ILRUN: variants seen among roughly 807,000 people sequenced by gnomAD.
The protein encoded by ILRUN is protein ILRUN.
ILRUN carries 3 observed loss-of-function variants against 33.8 expected under a neutral mutation model. The observed-to-expected ratio is 0.09, with a 90% CI of 0.04 to 0.23. ILRUN has a LOEUF of 0.23. Among genes scored for constraint, ILRUN ranks in the 10% least tolerant of loss-of-function variants. The probability of loss-of-function intolerance (pLI) is 1.00; values close to 1 mark genes in which losing one functional copy is unlikely to be tolerated. For synonymous variants in ILRUN, 124 were observed against 138.9 expected, an observed-to-expected ratio of 0.89 and a Z score of 0.75; for missense variants, 210 against 375.1, an observed-to-expected ratio of 0.56 and a Z score of 3.64.
In ILRUN at chr6:34,696,662, C is replaced by G; in HGVS notation, c.-59G>C. 2.6e-6 allele frequency: 4 copies of G among 1,562,652 alleles called. No individual in the cohort carries two copies. The highest frequency in any genetic ancestry group is 3.5e-6 in the Non-Finnish European group (4 of 1,158,930). ...CACAACCAAGCCGCCGCCGCGCCGC[C>G]GGGCCCGGGGACCTGGAGGGGGGCC... On this transcript the variant is annotated 5_prime_UTR_variant, in exon 1 of 5. Transcript: ENST00000374023.
At chr6:34,684,070 A>G (rs1763464510) in intron 1 of ILRUN, among the ~76,000 whole-genome samples, 1 of 151,662 alleles carries the variant, frequency 6.6e-6, no homozygotes, top group Admixed American at 6.6e-5. Flanking sequence ...AGAGCTCTGT[A>G]CCCCACCCCC....
intron 2 of ILRUN, among the ~76,000 whole-genome samples, chr6:34,649,843 A>T (rs1762626533): frequency 6.6e-6 from 1 of 152,240 alleles, no homozygotes; most frequent in African/African-American, 2.4e-5. Flanking sequence ...GGAACATAAT[A>T]AAATGTGTTG....
chr6:34,642,532 T>C (rs1315581657), intron 3 of ILRUN, among the ~76,000 whole-genome samples: 1 of 152,094 alleles, frequency 6.6e-6, no homozygotes, highest in Admixed American at 6.5e-5. Flanking sequence ...ACCACTGTGA[T>C]CTTAAAGACA....
At chr6:34,658,605 G>C (rs111393706) in intron 1 of ILRUN, among the ~76,000 whole-genome samples, 3 of 150,640 alleles carry the variant, frequency 2.0e-5, no homozygotes, top group Non-Finnish European at 1.5e-5. Flanking sequence ...TCAGGAATTC[G>C]AGACCAGCCT....
chr6:34,683,840 A>ATGGAT (rs1763459532), intron 1 of ILRUN, among the ~76,000 whole-genome samples: 1 of 152,144 alleles, frequency 6.6e-6, no homozygotes, highest in African/African-American at 2.4e-5. Context: ...AGGTGGGCAG[A>ATGGAT]CAGCTTGAGC....
At chr6:34,680,077 T>C (rs1390618593) in intron 1 of ILRUN, among the ~76,000 whole-genome samples, 1 of 152,274 alleles carries the variant, frequency 6.6e-6, no homozygotes, top group African/African-American at 2.4e-5. Context: ...AGGAAACTTA[T>C]ACAATGTGTG....
Position 34,587,927 on chromosome 6 carries a change from A to T in ILRUN, c.*2638T>A. 1 of 397,360 alleles carries T rather than the reference A, an allele frequency of 2.5e-6. No individual in the cohort carries two copies. The highest frequency in any genetic ancestry group is 4.4e-6 in the Non-Finnish European group (1 of 225,844). 24.6% of individuals were successfully genotyped at this position (397,360 alleles called of 1,614,324 possible). On this transcript the variant is annotated 3_prime_UTR_variant, in exon 5 of 5. Coordinates refer to ENST00000374023, the MANE Select transcript of ILRUN (RefSeq NM_024294.4). ...GTCTGCCTCACCTCCTGGGTGCCAGACGCAGGTGGTCCTGCCCAGAGGTGG... is the reference window on the plus strand; with the variant it reads ...GTCTGCCTCACCTCCTGGGTGCCAGTCGCAGGTGGTCCTGCCCAGAGGTGG...
At chr6:34,608,613 T>A (rs142121097) in intron 3 of ILRUN, among the ~76,000 whole-genome samples, 13 of 152,218 alleles carry the variant, frequency 8.5e-5, no homozygotes, top group African/African-American at 2.9e-4. Context: ...CAAACTACAA[T>A]GTTATGGAAG....
At chr6:34,683,437 T>C (rs1161410256) in intron 1 of ILRUN, among the ~76,000 whole-genome samples, 3 of 98,834 alleles carry the variant, frequency 3.0e-5, no homozygotes, top group East Asian at 4.4e-4. Flanking sequence ...TACATATATA[T>C]ATACATATAT....
chr6:34,612,210 T>C (rs1761770909), intron 3 of ILRUN, among the ~76,000 whole-genome samples: 1 of 151,182 alleles, frequency 6.6e-6, no homozygotes, highest in Admixed American at 6.6e-5. Flanking sequence ...ACTCAGGAGT[T>C]TGCGACCAGC....
At chr6:34,690,503 AAAAG>A (rs1364472190) in intron 1 of ILRUN, among the ~76,000 whole-genome samples, 1 of 152,028 alleles carries the variant, frequency 6.6e-6, no homozygotes, top group Non-Finnish European at 1.5e-5. Flanking sequence ...TAAATTGATT[AAAAG>A]GGTAAATTTT....
At position 34,654,758 on chromosome 6, in the gene ILRUN, G is replaced by A. The variant is rs373019670; in HGVS notation, c.180C>T (p.Gly60=). 2.2e-5 allele frequency: 35 copies of A among 1,613,332 alleles called. No individual in the cohort carries two copies. The East Asian group carries it at 3.1e-4, about 14-fold the overall frequency. Residue 60 remains glycine (G), a synonymous_variant, in exon 2 of 5, where the codon GGC becomes GGT. Transcript: ENST00000374023. ...TTGGGCTCTCAAAGTCATAATAGGC[G>A]CCAATTGCTGCTTGTAGGTTCCTAT... is the stretch of plus-strand genomic sequence containing the variant. ...MTNWNLQAAI[G]AYYDFESPNI...
In ILRUN at chr6:34,623,958, A is replaced by G. The variant is rs1762061789; in HGVS notation, c.512-17054T>C. Reference sequence around the variant, plus strand: ...GCGATTCTCGTGCCTCAGCCTCCCAAGTAGCTGGGAGCACAGGTGCCTGTC... The same window carrying G: ...GCGATTCTCGTGCCTCAGCCTCCCAGGTAGCTGGGAGCACAGGTGCCTGTC... On this transcript the variant is annotated intron_variant, in intron 3 of 4. Transcript: ENST00000374023. Among the ~76,000 whole-genome samples, 4 of 152,194 alleles carry G rather than the reference A, an allele frequency of 2.6e-5. No individual in the cohort carries two copies. In the South Asian group the frequency reaches 8.3e-4, roughly 32 times the overall value.
intron 3 of ILRUN, among the ~76,000 whole-genome samples, chr6:34,640,060 A>T (rs1762438881): frequency 6.6e-6 from 1 of 152,098 alleles, no homozygotes; most frequent in Non-Finnish European, 1.5e-5. Flanking sequence ...TCGAGGAAAA[A>T]AAAGATAAAA....
In ILRUN at chr6:34,683,464, A is replaced by ATATATATG. The variant is rs1562033016; in HGVS notation, c.158+12981_158+12982insCATATATA. ...TACATATATATATACATATATATAC[A>ATATATATG]TATATATACACATATATATATACAT... On this transcript the variant is annotated intron_variant, in intron 1 of 4. Coordinates refer to ENST00000374023, the MANE Select transcript of ILRUN (RefSeq NM_024294.4). Among the ~76,000 whole-genome samples the ATATATATG allele has an allele frequency of 3.7e-4, 37 of 100,454 alleles. 2 individuals are homozygous for ATATATATG. Among genetic ancestry groups the ATATATATG allele is most frequent in the Middle Eastern group, 0.01 (2 of 192 alleles). 65.9% of individuals were successfully genotyped at this position (100,454 alleles called of 152,430 possible).
chr6:34,657,434 C>T (rs2814998), intron 1 of ILRUN, among the ~76,000 whole-genome samples: 37,448 of 152,058 alleles, frequency 0.25, 4,691 homozygotes, highest in East Asian at 0.33. Flanking sequence ...CATTCCTATC[C>T]TCAAATCTCC....
At chr6:34,628,664 C>T (rs1017660476) in intron 3 of ILRUN, among the ~76,000 whole-genome samples, 5 of 151,970 alleles carry the variant, frequency 3.3e-5, no homozygotes, top group Non-Finnish European at 2.9e-5. Flanking sequence ...ATTCAATCTG[C>T]TAATATTTTG....
chr6:34,674,014 T>C (rs1464727319), intron 1 of ILRUN, among the ~76,000 whole-genome samples: 1 of 151,920 alleles, frequency 6.6e-6, no homozygotes, highest in Admixed American at 6.6e-5. Flanking sequence ...ACAATTACTA[T>C]GGGTCAGGCA....
intron 3 of ILRUN, among the ~76,000 whole-genome samples, chr6:34,638,029 G>A (rs1202637168): frequency 1.3e-5 from 2 of 152,056 alleles, no homozygotes; most frequent in Non-Finnish European, 2.9e-5. Context: ...TGGGATTACA[G>A]GTGTGTGCCA....
Sources: allele counts gnomAD v4.1 joint callset (sites outside exome capture counted in the v4.1 genomes callset), GRCh38; gene constraint gnomAD v4.1.1; transcripts MANE v1.5; gene names NCBI Gene and HGNC (gene_info 2026-07-23, HGNC 2026-07-21).